The following DDX60 variants were observed in gnomAD, a reference collection of about 807,000 sequenced individuals.
The protein encoded by DDX60 is probable ATP-dependent RNA helicase DDX60.
A neutral mutation model predicts 212.8 loss-of-function variants in DDX60; 165 were observed. The ratio of observed to expected loss-of-function variants is 0.78; its 90% CI spans 0.68 to 0.88. The LOEUF (loss-of-function observed/expected upper bound fraction) is 0.88. Ranked by LOEUF, DDX60 falls within the 40% of genes least tolerant of loss-of-function variation. The pLI is 0.00. For synonymous variants in DDX60, 703 were observed against 685.3 expected, an observed-to-expected ratio of 1.03 and a Z score of -0.40; for missense variants, 1,905 against 2,003.9, an observed-to-expected ratio of 0.95 and a Z score of 0.94.
At chr4:168,234,684 G>A (rs1733571034) in intron 33 of DDX60, among the ~76,000 whole-genome samples, 1 of 151,688 alleles carries the variant, frequency 6.6e-6, no homozygotes, top group South Asian at 2.1e-4. Flanking sequence ...TTTTCTTCCT[G>A]CTTATTGGTC....
In DDX60 at chr4:168,306,566, G is replaced by A; in HGVS notation, c.419C>T (p.Pro140Leu). Reference protein sequence around the residue: ...EWGSFLEESYPYFLIVADEGL... With the variant: ...EWGSFLEESYLYFLIVADEGL... The stretch of plus-strand genomic sequence containing the variant: ...TTCGTCTGCAACTATCAGGAAATAT[G>A]GGTAACTCTCTTCCAAGAAACTTCC... Residue 140 changes from proline to leucine, a missense_variant, in exon 5 of 38, where the codon CCA becomes CTA. By Grantham distance (98) the Pro-to-Leu change is moderately conservative (BLOSUM62 -3). Coordinates refer to ENST00000393743, the MANE Select transcript of DDX60 (RefSeq NM_017631.6). The A allele has an allele frequency of 6.2e-7, 1 of 1,614,132 alleles. No individual in the cohort carries two copies. The highest frequency in any genetic ancestry group is 8.5e-7 in the Non-Finnish European group (1 of 1,180,014).
intron 4 of DDX60, among the ~76,000 whole-genome samples, chr4:168,307,307 T>C (rs1736927032): frequency 6.6e-6 from 1 of 152,206 alleles, no homozygotes; most frequent in Admixed American, 6.5e-5. Flanking sequence ...CCTTTAGGTA[T>C]AGGATTAGGA....
At chr4:168,294,044 G>T in intron 6 of DDX60, 99 bp from the exon 7 acceptor site, 1 of 1,076,974 alleles carries the variant, frequency 9.3e-7, no homozygotes, top group Non-Finnish European at 1.3e-6. Flanking sequence ...TAATACATGT[G>T]TGACAAAATA....
chr4:168,270,406 T>C (rs954446995), intron 19 of DDX60, among the ~76,000 whole-genome samples: 8 of 152,232 alleles, frequency 5.3e-5, no homozygotes, highest in Admixed American at 6.5e-5. Context: ...AAAATACCAC[T>C]CCATCAAATA....
chr4:168,288,207 T>A lies in DDX60; in HGVS notation c.1150A>T (p.Ile384Phe). 1 of 1,513,212 alleles carries A rather than the reference T, an allele frequency of 6.6e-7. No individual in the cohort carries two copies. The allele number at this position is 1,513,212 out of a possible 1,614,324, so 93.7% of individuals were successfully genotyped here. Residue 384 changes from isoleucine to phenylalanine, a missense_variant, in exon 9 of 38, where the codon ATT becomes TTT. Physicochemically the swap from Ile to Phe is conservative, Grantham distance 21 (BLOSUM62 0). Transcript: ENST00000393743. Reference sequence around the variant, plus strand: ...TTTTCATTTTCATAGTAAAAAGCAATATTCTTCAACAAAAGCTCATCATTT... The same window carrying A: ...TTTTCATTTTCATAGTAAAAAGCAAAATTCTTCAACAAAAGCTCATCATTT... ...DLNDELLLKN[I>F]AFYYENENVK... is the part of the protein sequence containing the mutation.
chr4:168,285,896 A>AAAGGAAGGAAGGAAGGAAGGAAGGAAGG (rs368802134), intron 10 of DDX60, among the ~76,000 whole-genome samples: 12 of 114,646 alleles, frequency 1.0e-4, no homozygotes, highest in African/African-American at 3.2e-4. Flanking sequence ...AGGAGGGAAG[A>AAAGGAAGGAAGGAAGGAAGGAAGGAAGG]AAGGAAGGAA....
At chr4:168,250,359 T>C (rs1734173242) in intron 28 of DDX60, among the ~76,000 whole-genome samples, 2 of 151,928 alleles carry the variant, frequency 1.3e-5, no homozygotes, top group South Asian at 4.2e-4. Context: ...CTGACCAGCA[T>C]GGAGAAACCC....
At chr4:168,258,143 T>TCTGCACTTTC (rs11272772) in intron 25 of DDX60, among the ~76,000 whole-genome samples, 1 of 152,202 alleles carries the variant, frequency 6.6e-6, no homozygotes, top group Non-Finnish European at 1.5e-5. Flanking sequence ...CATCCTGGTA[T>TCTGCACTTTC]ACAAGAATGA....
At position 168,235,979 on chromosome 4, in the gene DDX60, C is replaced by T. The variant is rs1733617814; in HGVS notation, c.4533+273G>A. On this transcript the variant is annotated intron_variant, in intron 33 of 37. Coordinates refer to ENST00000393743, the MANE Select transcript of DDX60 (RefSeq NM_017631.6). The stretch of plus-strand genomic sequence containing the variant: ...ATAATTAGCATATCTTTTCTTTAGT[C>T]ACCTGATATTATAATTTGATACAAT... 6 of 332,118 alleles carry T rather than the reference C, an allele frequency of 1.8e-5. No homozygotes were observed. The South Asian group carries it at 2.2e-4, about 12-fold the overall frequency. The allele number at this position is 332,118 out of a possible 1,614,324, so 20.6% of individuals were successfully genotyped here. A position where few individuals can be genotyped will look rare whatever the true frequency, so the allele number is the denominator to read the frequency against.
chr4:168,236,350 C>A lies in DDX60; in HGVS notation c.4435G>T (p.Val1479Phe), dbSNP rs74893360. 1 of 1,606,244 alleles carries A rather than the reference C, an allele frequency of 6.2e-7. No homozygotes were observed. Among genetic ancestry groups the A allele is most frequent in the African/African-American group, 1.3e-5 (1 of 74,584 alleles). ...AATACTAATACTAGCTTTTCCATAA[C>A]GTCTTGAGAAAAATGTTTTGAGCCT... is the stretch of plus-strand genomic sequence containing the variant. ...RKGSKHFSQD[V>F]MEKLVLVLAH... Residue 1479 changes from valine (V) to phenylalanine (F), a missense_variant, in exon 33 of 38, where the codon GTT becomes TTT. Coordinates refer to ENST00000393743, the MANE Select transcript of DDX60 (RefSeq NM_017631.6).
intron 32 of DDX60, 73 bp from the exon 33 acceptor site, chr4:168,236,446 T>C: frequency 2.3e-6 from 3 of 1,316,476 alleles, no homozygotes; most frequent in Admixed American, 2.6e-5. Context: ...AAATGGAATG[T>C]CATATTACAT....
In DDX60 at chr4:168,272,040, T is replaced by G. The variant is rs1207110856; in HGVS notation, c.2670+3A>C. 5.1e-6 allele frequency: 8 copies of G among 1,570,786 alleles called. No homozygotes were observed. Among genetic ancestry groups the G allele is most frequent in the Non-Finnish European group, 6.9e-6 (8 of 1,154,920 alleles). On this transcript the variant is annotated splice_donor_region_variant and intron_variant, in intron 19 of 37. Coordinates refer to ENST00000393743, the MANE Select transcript of DDX60 (RefSeq NM_017631.6). ...TTAAGCAAAGAAAGAACACCAAACC[T>G]ACCTCATCAAATATAACATATCTGA...
chr4:168,257,307 G>A (rs609894), intron 25 of DDX60, among the ~76,000 whole-genome samples: 1 of 151,426 alleles, frequency 6.6e-6, no homozygotes, highest in Non-Finnish European at 1.5e-5. Context: ...AAACTCCATC[G>A]CCCTTCAAAA....
At chr4:168,270,909 G>A (rs1253526441) in intron 19 of DDX60, among the ~76,000 whole-genome samples, 5 of 112,480 alleles carry the variant, frequency 4.4e-5, no homozygotes, top group African/African-American at 1.4e-4. Flanking sequence ...ATGGAGTTTC[G>A]CTCTGGTACC....
intron 3 of DDX60, among the ~76,000 whole-genome samples, chr4:168,310,245 G>C (rs1020522763): frequency 1.3e-5 from 2 of 152,068 alleles, no homozygotes; most frequent in African/African-American, 2.4e-5. Flanking sequence ...CTTTAGATCA[G>C]AGTGTCATAA....
intron 7 of DDX60, among the ~76,000 whole-genome samples, chr4:168,292,772 G>A (rs1351794496): frequency 6.6e-6 from 1 of 152,186 alleles, no homozygotes; most frequent in Non-Finnish European, 1.5e-5. Context: ...AACAAAGCAA[G>A]TGTAAGATTT....
intron 27 of DDX60, among the ~76,000 whole-genome samples, chr4:168,251,921 T>C (rs72693131): frequency 0.036 from 5,477 of 152,306 alleles, 139 homozygotes; most frequent in Non-Finnish European, 0.054. Context: ...ATTATTACTA[T>C]ATTTATATCT....
chr4:168,228,700 C>T (rs1217480032), intron 33 of DDX60, among the ~76,000 whole-genome samples: 1 of 151,976 alleles, frequency 6.6e-6, no homozygotes, highest in African/African-American at 2.4e-5. Context: ...TATTTTTTGA[C>T]ACAATGTGTA....
intron 33 of DDX60, among the ~76,000 whole-genome samples, chr4:168,234,488 A>C (rs879275341): frequency 2.0e-5 from 3 of 151,956 alleles, no homozygotes; most frequent in Admixed American, 2.0e-4. Flanking sequence ...TAATGGTCAG[A>C]TATTGTATTT....
Sources: gnomAD v4.1 joint callset for allele counts (sites outside exome capture counted in the v4.1 genomes callset) on GRCh38, gnomAD v4.1.1 for gene constraint, MANE v1.5 for transcripts, NCBI Gene and HGNC (gene_info 2026-07-23, HGNC 2026-07-21) for gene names.